The following RPAP3 variants were observed in gnomAD, a reference collection of about 807,000 sequenced individuals.
The protein encoded by RPAP3 is RNA polymerase II associated protein 3, also known as RNA polymerase II-associated protein 3.
A neutral mutation model predicts 88.8 loss-of-function variants in RPAP3; 58 were observed. The observed-to-expected ratio is 0.65, with a 90% CI of 0.53 to 0.81. The LOEUF (loss-of-function observed/expected upper bound fraction) is 0.81, where lower values mean the gene tolerates loss of function less well. Ranked by LOEUF, RPAP3 falls within the 40% of genes least tolerant of loss-of-function variation. The pLI, the probability that RPAP3 is intolerant of heterozygous loss-of-function variation, is 0.00. For missense variants in RPAP3, 751 were observed against 764.3 expected, an observed-to-expected ratio of 0.98 and a Z score of 0.20; for synonymous variants, 255 against 259.9, an observed-to-expected ratio of 0.98 and a Z score of 0.18.
chr12:47,690,694 CA>C (rs2136634323), intron 5 of RPAP3, 55 bp from the exon 6 acceptor site: 2 of 1,229,880 alleles, frequency 1.6e-6, no homozygotes, highest in East Asian at 5.5e-5. Context: ...TTTACTAAAC[CA>C]AAACTTCAAA....
chr12:47,669,040 ATCTC>A lies in RPAP3; in HGVS notation c.1585_1588del (p.Glu529Ter), dbSNP rs1158673024. On this transcript the variant is annotated frameshift_variant, in exon 14 of 17. Transcript: ENST00000005386. LOFTEE classifies it high-confidence loss of function. ...GGCAAACTGAGCAGGTTTTTGTTCT[ATCTC>A]TATGGGCATTTTCTCGCTGTAAGAC... 1.2e-6 allele frequency: 2 copies of A among 1,613,818 alleles called. No individual in the cohort carries two copies. The highest frequency in any genetic ancestry group is 1.7e-6 in the Non-Finnish European group (2 of 1,179,852).
intron 12 of RPAP3, among the ~76,000 whole-genome samples, chr12:47,674,374 G>A (rs533674420): frequency 2.6e-5 from 4 of 152,312 alleles, no homozygotes; most frequent in Non-Finnish European, 4.4e-5. Context: ...ACCAGCAATG[G>A]AACTAAGCTG....
intron 3 of RPAP3, 90 bp from the exon 4 acceptor site, chr12:47,697,809 A>C (rs751257142): frequency 4.2e-6 from 5 of 1,203,262 alleles, no homozygotes; most frequent in Non-Finnish European, 5.8e-6. Context: ...CACTCAAATG[A>C]ATGTAAATTG....
chr12:47,679,423 T>C lies in RPAP3; in HGVS notation c.1287+70A>G. ...AAAAAAAAAAAGTTTATTAATACAATAGTTGGTTTCCAATTCTCCTATTAC... is the reference window on the plus strand; with the variant it reads ...AAAAAAAAAAAGTTTATTAATACAACAGTTGGTTTCCAATTCTCCTATTAC... On this transcript the variant is annotated intron_variant, in intron 12 of 16. Transcript: ENST00000005386. 7.1e-6 allele frequency: 7 copies of C among 982,252 alleles called. No individual in the cohort carries two copies. In the South Asian group the frequency reaches 7.8e-5, roughly 11 times the overall value. The allele number at this position is 982,252 out of a possible 1,614,324, so 60.8% of individuals were successfully genotyped here. A position where few individuals can be genotyped will look rare whatever the true frequency, so the allele number is the denominator to read the frequency against.
intron 15 of RPAP3, among the ~76,000 whole-genome samples, chr12:47,667,348 G>C (rs1182058153): frequency 2.6e-5 from 4 of 152,106 alleles, no homozygotes; most frequent in Non-Finnish European, 5.9e-5. Flanking sequence ...AAAAAAATTA[G>C]AGTCCTTTTT....
At chr12:47,683,648 C>A (rs980599660) in intron 9 of RPAP3, among the ~76,000 whole-genome samples, 8 of 152,180 alleles carry the variant, frequency 5.3e-5, no homozygotes, top group Non-Finnish European at 2.9e-5. Flanking sequence ...CTGTGCACTC[C>A]ATTTGTAAAG....
chr12:47,666,877 T>C, intron 16 of RPAP3, 103 bp downstream of exon 16: 1 of 364,962 alleles, frequency 2.7e-6, no homozygotes, highest in Middle Eastern at 6.8e-4. Context: ...TAATTAAATA[T>C]AACCTTATAC....
chr12:47,680,983 AAAAC>A (rs1939212630), intron 10 of RPAP3, among the ~76,000 whole-genome samples: 1 of 152,040 alleles, frequency 6.6e-6, no homozygotes, highest in South Asian at 2.1e-4. Context: ...CAAAAAAAAA[AAAAC>A]AGGCTGAAAT....
chr12:47,663,448 C>T lies in RPAP3; in HGVS notation c.*57G>A. The T allele has an allele frequency of 9.0e-7, 1 of 1,107,482 alleles. No homozygotes were observed. The highest frequency in any genetic ancestry group is 1.3e-6 in the Non-Finnish European group (1 of 742,896). 68.6% of individuals were successfully genotyped at this position (1,107,482 alleles called of 1,614,324 possible). On this transcript the variant is annotated 3_prime_UTR_variant, in exon 17 of 17. Coordinates refer to ENST00000005386, the MANE Select transcript of RPAP3 (RefSeq NM_024604.3). ...ATTTTCTTAAAAAGCAAAACACTTT[C>T]AGTAGAAAAAATTTACATATGAAAG...
At chr12:47,699,275 CTG>C (rs1939602907) in intron 3 of RPAP3, 1 of 152,148 alleles carries the variant, frequency 6.6e-6, no homozygotes, top group Non-Finnish European at 1.5e-5. Flanking sequence ...GAAAACATCT[CTG>C]TAAGAAATCA....
In RPAP3 at chr12:47,697,591, T is replaced by C. The variant is rs376377265; in HGVS notation, c.417+6A>G. ...TGAAAAAAAACAAAACCTAACTAAT[T>C]AGTACCTTTTCTTTTAAAACAAGAG... On this transcript the variant is annotated splice_donor_region_variant and intron_variant, in intron 4 of 16. Coordinates refer to ENST00000005386, the MANE Select transcript of RPAP3 (RefSeq NM_024604.3). 2 of 1,591,618 alleles carry C rather than the reference T, an allele frequency of 1.3e-6. No individual in the cohort carries two copies. The highest frequency in any genetic ancestry group is 1.7e-6 in the Non-Finnish European group (2 of 1,173,744).
Position 47,661,682 on chromosome 12 carries a change from C to T in RPAP3, c.*1823G>A, listed in dbSNP as rs1361221794. 1 of 152,146 alleles carries T rather than the reference C, an allele frequency of 6.6e-6. No individual in the cohort carries two copies. Among genetic ancestry groups the T allele is most frequent in the Non-Finnish European group, 1.5e-5 (1 of 68,020 alleles). The allele number at this position is 152,146 out of a possible 1,614,324, so 9.4% of individuals were successfully genotyped here. Reference sequence around the variant, plus strand: ...ACTTCTTCAGTTAACAGTCTCTACACAGGTAACACAACATAAAAACTGCAG... The same window carrying T: ...ACTTCTTCAGTTAACAGTCTCTACATAGGTAACACAACATAAAAACTGCAG... On this transcript the variant is annotated 3_prime_UTR_variant, in exon 17 of 17. Coordinates refer to ENST00000005386, the MANE Select transcript of RPAP3 (RefSeq NM_024604.3).
chr12:47,682,746 TC>T (rs1174949653), intron 9 of RPAP3, among the ~76,000 whole-genome samples: 22 of 151,522 alleles, frequency 1.5e-4, no homozygotes, highest in Admixed American at 1.4e-3. Flanking sequence ...CATCTTGCCC[TC>T]AAAACAAAAT....
At chr12:47,702,587 G>A in intron 2 of RPAP3, 101 bp downstream of exon 2, 1 of 957,666 alleles carries the variant, frequency 1.0e-6, no homozygotes, top group Non-Finnish European at 1.5e-6. Context: ...AGTGAAGCAA[G>A]TCACTTCAAT....
At chr12:47,679,167 A>G (rs948656499) in intron 12 of RPAP3, among the ~76,000 whole-genome samples, 2 of 152,190 alleles carry the variant, frequency 1.3e-5, no homozygotes, top group African/African-American at 2.4e-5. Flanking sequence ...CAAACACCGC[A>G]TGTTCTCACT....
chr12:47,679,666 G>A, intron 11 of RPAP3, 38 bp downstream of exon 11: 2 of 1,541,414 alleles, frequency 1.3e-6, no homozygotes, highest in South Asian at 1.2e-5. Context: ...TTATGTTTCA[G>A]AAAATATGAC....
chr12:47,703,117 G>C (rs1283749465), intron 1 of RPAP3, among the ~76,000 whole-genome samples: 1 of 152,182 alleles, frequency 6.6e-6, no homozygotes, highest in African/African-American at 2.4e-5. Flanking sequence ...GAAATTATCA[G>C]GTAGCCTGTG....
intron 5 of RPAP3, among the ~76,000 whole-genome samples, chr12:47,695,191 T>C (rs1382544186): frequency 2.0e-5 from 3 of 151,992 alleles, no homozygotes; most frequent in East Asian, 3.8e-4. Flanking sequence ...AACACAAGAA[T>C]AGACACATAA....
intron 5 of RPAP3, among the ~76,000 whole-genome samples, chr12:47,694,895 T>C (rs996999839): frequency 3.3e-5 from 5 of 152,140 alleles, no homozygotes; most frequent in African/African-American, 1.2e-4. Flanking sequence ...GGGTAGGAAA[T>C]AGGTATTATT....
Sources: allele counts gnomAD v4.1 joint callset (sites outside exome capture counted in the v4.1 genomes callset), GRCh38; gene constraint gnomAD v4.1.1; transcripts MANE v1.5; gene names NCBI Gene and HGNC (gene_info 2026-07-23, HGNC 2026-07-21).